CDH18: variants seen among roughly 807,000 people sequenced by gnomAD.
CDH18 encodes cadherin 18.
In CDH18, 31 loss-of-function variants were observed where a neutral mutation model predicts 67.9. The observed-to-expected ratio is 0.46, with a 90% CI of 0.34 to 0.62. The LOEUF (loss-of-function observed/expected upper bound fraction) is 0.62. CDH18 is among the 20% of genes least tolerant of loss of function. The probability of loss-of-function intolerance (pLI) is 0.01; values close to 1 mark genes in which losing one functional copy is unlikely to be tolerated. For synonymous variants in CDH18, 362 were observed against 347.2 expected (o/e 1.04, Z -0.48); for missense variants, 890 against 975.5 (o/e 0.91, Z 1.17).
chr5:20,166,161 C>G (rs1185471600), intron 2 of CDH18, among the ~76,000 whole-genome samples: 1 of 151,898 alleles, frequency 6.6e-6, no homozygotes, highest in Non-Finnish European at 1.5e-5. Context: ...AAAGCTCTGG[C>G]CAGGTGTGGT....
chr5:20,117,715 C>T (rs1200106438), intron 2 of CDH18, among the ~76,000 whole-genome samples: 1 of 152,140 alleles, frequency 6.6e-6, no homozygotes, highest in African/African-American at 2.4e-5. Flanking sequence ...TAAGTATTTT[C>T]AAACATTACT....
At chr5:19,494,561 G>T (rs974764284) in intron 11 of CDH18, among the ~76,000 whole-genome samples, 1 of 152,090 alleles carries the variant, frequency 6.6e-6, no homozygotes, top group African/African-American at 2.4e-5. Flanking sequence ...CATCTTACCA[G>T]ATTTTTTAAA....
chr5:19,838,998 T>C lies in CDH18; in HGVS notation c.-12A>G. On this transcript the variant is annotated 5_prime_UTR_variant, in exon 3 of 13. Transcript: ENST00000382275. ...CTAGTAATTTTCATTGTAAGATAAC[T>C]TTCCAGTTCACAGTTTTCCTTCCTT... The C allele has an allele frequency of 1.2e-6, 2 of 1,601,076 alleles. No homozygotes were observed. Among genetic ancestry groups the C allele is most frequent in the Non-Finnish European group, 1.7e-6 (2 of 1,168,344 alleles).
At chr5:19,979,132 T>A (rs892001711) in intron 2 of CDH18, among the ~76,000 whole-genome samples, 2 of 152,056 alleles carry the variant, frequency 1.3e-5, no homozygotes, top group African/African-American at 4.8e-5. Context: ...GATAAAGAAC[T>A]AGCTAATCAA....
intron 1 of CDH18, among the ~76,000 whole-genome samples, chr5:20,321,336 A>G (rs1336862292): frequency 6.6e-6 from 1 of 152,006 alleles, no homozygotes; most frequent in Non-Finnish European, 1.5e-5. Flanking sequence ...CCTTTGCAAC[A>G]CTGGATGTAG....
intron 1 of CDH18, among the ~76,000 whole-genome samples, chr5:20,282,690 G>A (rs1436436638): frequency 6.6e-6 from 1 of 151,936 alleles, no homozygotes. Context: ...TTTTTGCTGT[G>A]TCTCTGCCAG....
chr5:20,553,402 C>T (rs1047465706), intron 1 of CDH18, among the ~76,000 whole-genome samples: 14 of 152,108 alleles, frequency 9.2e-5, no homozygotes, highest in Admixed American at 3.3e-4. Flanking sequence ...GTCCTTATAA[C>T]TAAAACAAAT....
intron 2 of CDH18, among the ~76,000 whole-genome samples, chr5:19,879,951 C>T (rs1787443640): frequency 6.6e-6 from 1 of 151,824 alleles, no homozygotes; most frequent in Non-Finnish European, 1.5e-5. Context: ...CTGTTGTGTC[C>T]TACCAGGCAA....
At chr5:19,571,171 C>G (rs1326655626) in intron 8 of CDH18, among the ~76,000 whole-genome samples, 1 of 152,208 alleles carries the variant, frequency 6.6e-6, no homozygotes, top group Non-Finnish European at 1.5e-5. Flanking sequence ...CACAGCTAGG[C>G]TGACCAAAGG....
chr5:19,699,636 G>GTGTGTGTC (rs1554007627), intron 5 of CDH18, among the ~76,000 whole-genome samples: 9 of 147,524 alleles, frequency 6.1e-5, no homozygotes, highest in African/African-American at 2.3e-4. Context: ...GTGTGTGTGT[G>GTGTGTGTC]TGTGTCTGTG....
intron 2 of CDH18, among the ~76,000 whole-genome samples, chr5:19,855,734 T>C (rs1384401372): frequency 6.6e-6 from 1 of 152,122 alleles, no homozygotes; most frequent in Non-Finnish European, 1.5e-5. Flanking sequence ...ATTACCCTTT[T>C]TAGCTACAAC....
chr5:19,767,456 G>A (rs1022773821), intron 3 of CDH18, among the ~76,000 whole-genome samples: 1 of 151,980 alleles, frequency 6.6e-6, no homozygotes, highest in African/African-American at 2.4e-5. Flanking sequence ...AGTATCAGAT[G>A]AGAAGTGGTA....
chr5:20,563,385 C>T (rs1437504455), intron 1 of CDH18, among the ~76,000 whole-genome samples: 1 of 152,072 alleles, frequency 6.6e-6, no homozygotes, highest in Non-Finnish European at 1.5e-5. Flanking sequence ...TCAAGCTTAA[C>T]AGAATAGGAA....
intron 3 of CDH18, among the ~76,000 whole-genome samples, chr5:19,791,813 G>A (rs558387542): frequency 1.1e-3 from 171 of 152,286 alleles, no homozygotes; most frequent in Admixed American, 2.0e-3. Flanking sequence ...AGGAGGAAAA[G>A]AAATGGATTT....
At chr5:19,659,413 T>C (rs1756863090) in intron 5 of CDH18, among the ~76,000 whole-genome samples, 1 of 152,060 alleles carries the variant, frequency 6.6e-6, no homozygotes, top group Non-Finnish European at 1.5e-5. Context: ...ATTAAACAAA[T>C]AGTAAATAAG....
In CDH18 at chr5:19,623,860, CA is replaced by C. The variant is rs1290725464; in HGVS notation, c.644-11260del. Among the ~76,000 whole-genome samples the C allele has an allele frequency of 3.1e-4, 29 of 94,900 alleles. No homozygotes were observed. In the East Asian group the frequency reaches 0.011, roughly 35 times the overall value. 62.3% of individuals were successfully genotyped at this position (94,900 alleles called of 152,430 possible). A position where few individuals can be genotyped will look rare whatever the true frequency, so the allele number is the denominator to read the frequency against. Reference sequence around the variant, plus strand: ...CAACATAGGTCCATAAGTAACTGAACATTGATGATTTCTCCTGCATTACCAA... The same window carrying C: ...CAACATAGGTCCATAAGTAACTGAACTTGATGATTTCTCCTGCATTACCAA... On this transcript the variant is annotated intron_variant, in intron 5 of 12. Coordinates refer to ENST00000382275, the MANE Select transcript of CDH18 (RefSeq NM_004934.5).
intron 8 of CDH18, among the ~76,000 whole-genome samples, chr5:19,552,650 A>G (rs756642495): frequency 1.3e-5 from 2 of 152,188 alleles, no homozygotes; most frequent in African/African-American, 4.8e-5. Flanking sequence ...TGTATGATCA[A>G]TGATCAATAA....
chr5:19,610,916 A>G (rs1258386474), intron 6 of CDH18, among the ~76,000 whole-genome samples: 2 of 152,164 alleles, frequency 1.3e-5, no homozygotes, highest in African/African-American at 2.4e-5. Context: ...CAAACGCCAC[A>G]TGAATGCACC....
At chr5:20,161,638 T>G (rs2126612938) in intron 2 of CDH18, among the ~76,000 whole-genome samples, 1 of 152,324 alleles carries the variant, frequency 6.6e-6, no homozygotes, top group Non-Finnish European at 1.5e-5. Flanking sequence ...TTAAACTCAG[T>G]TATGGGTTTC....
Sources: gnomAD v4.1 joint callset for allele counts (sites outside exome capture counted in the v4.1 genomes callset) on GRCh38, gnomAD v4.1.1 for gene constraint, MANE v1.5 for transcripts, NCBI Gene and HGNC (gene_info 2026-07-23, HGNC 2026-07-21) for gene names.